The following INPPL1 variants were observed in gnomAD, a reference collection of about 807,000 sequenced individuals.
INPPL1 encodes the protein inositol polyphosphate phosphatase like 1, also known as phosphatidylinositol 3,4,5-trisphosphate 5-phosphatase 2.
INPPL1 carries 91 observed loss-of-function variants against 139.3 expected under a neutral mutation model. That is an observed-to-expected ratio of 0.65 (90% CI 0.55 to 0.78). The LOEUF is 0.78. Among genes scored for constraint, INPPL1 ranks in the 30% least tolerant of loss-of-function variants. The pLI is 0.00. For synonymous variants in INPPL1, 719 were observed against 686.6 expected (o/e 1.05, Z -0.74); for missense variants, 1,411 against 1,665.6 (o/e 0.85, Z 2.66).
Position 72,225,014 on chromosome 11 carries a change from G to A in INPPL1, c.30G>A (p.Pro10=). 8.2e-7 allele frequency: 1 copy of A among 1,212,366 alleles called. No individual in the cohort carries two copies. The highest frequency in any genetic ancestry group is 1.0e-6 in the Non-Finnish European group (1 of 975,844). The allele number at this position is 1,212,366 out of a possible 1,614,324, so 75.1% of individuals were successfully genotyped here. MASACGAPG[P]GGALGSQAPS... ...CCTCGGCCTGCGGGGCGCCGGGCCC[G>A]GGGGGCGCCCTGGGCAGCCAGGCCC... Residue 10 remains proline, a synonymous_variant, in exon 1 of 28, where the codon CCG becomes CCA. Transcript: ENST00000298229.
intron 18 of INPPL1, 53 bp from the exon 19 acceptor site, chr11:72,233,602 G>T (rs1948897225): frequency 4.4e-6 from 7 of 1,605,800 alleles, no homozygotes; most frequent in Middle Eastern, 3.3e-4. Context: ...GGAGGTGGGA[G>T]CCGAGGGTGG....
intron 1 of INPPL1, chr11:72,227,939 T>C (rs895413288): frequency 3.8e-6 from 2 of 532,292 alleles, no homozygotes; most frequent in Non-Finnish European, 6.8e-6. Context: ...CCCTGCCCTG[T>C]GGTGGGTGTG....
In INPPL1 at chr11:72,228,994, C is replaced by G. The variant is rs1948753920; in HGVS notation, c.519-96C>G. 6.5e-7 allele frequency: 1 copy of G among 1,528,946 alleles called. No homozygotes were observed. The highest frequency in any genetic ancestry group is 1.4e-5 in the African/African-American group (1 of 72,792). 94.7% of individuals were successfully genotyped at this position (1,528,946 alleles called of 1,614,324 possible). A position where few individuals can be genotyped will look rare whatever the true frequency, so the allele number is the denominator to read the frequency against. ...AGGCAGATAACCTGATCCATCCCGC[C>G]CTGGTTGCCACAGGTACTATCTCCT... On this transcript the variant is annotated intron_variant, in intron 4 of 27. Coordinates refer to ENST00000298229, the MANE Select transcript of INPPL1 (RefSeq NM_001567.4). The surrounding 1 kb of genome is among the most constrained non-coding windows in gnomAD (Gnocchi z 5.0).
At chr11:72,225,582 G>A in intron 1 of INPPL1, 13 of 960,686 alleles carry the variant, frequency 1.4e-5, no homozygotes, top group Non-Finnish European at 1.6e-5. Flanking sequence ...CTGACGGGGT[G>A]TGTGGGGATG....
chr11:72,232,279 G>C lies in INPPL1; in HGVS notation c.1655G>C (p.Gly552Ala). The C allele has an allele frequency of 6.4e-7, 1 of 1,557,386 alleles. No homozygotes were observed. Among genetic ancestry groups the C allele is most frequent in the Non-Finnish European group, 8.7e-7 (1 of 1,149,764 alleles). Reference sequence around the variant, plus strand: ...GTGGGCGTCTCCTTCATGTTTAATGGCACCTCATTTGGCTTTGTGAATTGT... The same window carrying C: ...GTGGGCGTCTCCTTCATGTTTAATGCCACCTCATTTGGCTTTGTGAATTGT... ...GAVGVSFMFN[G>A]TSFGFVNCHL... The change falls in exon 14 of 28, where the codon GGC becomes GCC. Residue 552 changes from glycine to alanine, a missense_variant. Transcript: ENST00000298229.
chr11:72,237,811 G>A lies in INPPL1; in HGVS notation c.3552+15G>A, dbSNP rs1211850752. The A allele has an allele frequency of 6.3e-7, 1 of 1,581,968 alleles. No homozygotes were observed. Among genetic ancestry groups the A allele is most frequent in the Admixed American group, 1.8e-5 (1 of 55,492 alleles). On this transcript the variant is annotated intron_variant, in intron 26 of 27. Coordinates refer to ENST00000298229, the MANE Select transcript of INPPL1 (RefSeq NM_001567.4). ...TGGCAGAGGAGGTGTGTGGAGCAGG[G>A]TGGCTGTCTGTGTGTGCCTGAGTGT...
In INPPL1 at chr11:72,234,490, G is replaced by A. The variant is rs768512696; in HGVS notation, c.2327-37G>A. ...ACTTAGGGGGAAAGGAAGCTGAGAG[G>A]TGGTGCTCAGTTGGGTGTCTCCCAC... On this transcript the variant is annotated intron_variant, in intron 20 of 27. Transcript: ENST00000298229. This position sits in a 1 kb window ranked among gnomAD's most constrained non-coding sequence, Gnocchi z 4.2. The A allele has an allele frequency of 6.3e-6, 10 of 1,593,772 alleles. No homozygotes were observed. The African/African-American group carries it at 8.1e-5, about 13-fold the overall frequency.
rs1006705259 is a variant in INPPL1 at position 72,225,370 on chromosome 11, G to A, written c.182+204G>A. The A allele has an allele frequency of 3.0e-6, 3 of 985,352 alleles. No individual in the cohort carries two copies. The African/African-American group carries it at 5.2e-5, about 17-fold the overall frequency. The allele number at this position is 985,352 out of a possible 1,614,324, so 61.0% of individuals were successfully genotyped here. ...TGCTGTGTGTCTGGGGGCACTTTCAGGAGCCTTGAGGGTAGAGAATATGGG... is the reference window on the plus strand; with the variant it reads ...TGCTGTGTGTCTGGGGGCACTTTCAAGAGCCTTGAGGGTAGAGAATATGGG... On this transcript the variant is annotated intron_variant, in intron 1 of 27. Transcript: ENST00000298229.
rs1948753181 is a variant in INPPL1, at chr11:72,228,963, G to A, written c.518+116G>A. The A allele has an allele frequency of 1.3e-6, 2 of 1,521,676 alleles. No individual in the cohort carries two copies. Among genetic ancestry groups the A allele is most frequent in the Admixed American group, 4.2e-5 (2 of 47,300 alleles). The allele number at this position is 1,521,676 out of a possible 1,614,324, so 94.3% of individuals were successfully genotyped here. A position where few individuals can be genotyped will look rare whatever the true frequency, so the allele number is the denominator to read the frequency against. On this transcript the variant is annotated intron_variant, in intron 4 of 27. Coordinates refer to ENST00000298229, the MANE Select transcript of INPPL1 (RefSeq NM_001567.4). This position sits in a 1 kb window ranked among gnomAD's most constrained non-coding sequence, Gnocchi z 5.0. Reference sequence around the variant, plus strand: ...CACCAGGGACCCCCACCCCACCTCAGCCCAGAGGCAGATAACCTGATCCAT... The same window carrying A: ...CACCAGGGACCCCCACCCCACCTCAACCCAGAGGCAGATAACCTGATCCAT...
chr11:72,233,190 T>C (rs1277251120), intron 17 of INPPL1, 27 bp downstream of exon 17: 1 of 1,596,938 alleles, frequency 6.3e-7, no homozygotes, highest in African/African-American at 1.3e-5. Context: ...GCATGGGCCT[T>C]GGGGGACCGC....
rs562007112 is a variant in INPPL1, at chr11:72,225,155, G to A, written c.171G>A (p.Ala57=). The change falls in exon 1 of 28, where the codon GCG becomes GCA. Residue 57 remains alanine, a synonymous_variant. Transcript: ENST00000298229. The part of the protein sequence containing the change: ...RDSESVAGAF[A]LCVLYQKHVH... ...GCGAGAGCGTGGCGGGGGCCTTCGC[G>A]CTCTGCGTCCTGTGAGTGGGGCGGG... 4 of 1,230,728 alleles carry A rather than the reference G, an allele frequency of 3.3e-6. No individual in the cohort carries two copies. The highest frequency in any genetic ancestry group is 3.1e-5 in the African/African-American group (2 of 64,470). The allele number at this position is 1,230,728 out of a possible 1,614,324, so 76.2% of individuals were successfully genotyped here. A position where few individuals can be genotyped will look rare whatever the true frequency, so the allele number is the denominator to read the frequency against.
chr11:72,238,190 G>A lies in INPPL1; in HGVS notation c.3686+15G>A, dbSNP rs775769039. On this transcript the variant is annotated intron_variant, in intron 27 of 27. Transcript: ENST00000298229. The stretch of plus-strand genomic sequence containing the variant: ...GAGTTTCTCAGGTGGGGGAGGGGCT[G>A]GCCCCGGGGGCGGAGCTGGGGCCCT... 2.2e-5 allele frequency: 36 copies of A among 1,610,378 alleles called. 1 individual carries two copies. The South Asian group carries it at 4.0e-4, about 18-fold the overall frequency.
In INPPL1 at chr11:72,228,549, C is replaced by G; in HGVS notation, c.397+51C>G. ...CCCTGCCCCTGTCCCTTGGCTCTAC[C>G]TGCCTCTTCCCATCCCCCCTTCTCA... On this transcript the variant is annotated intron_variant, in intron 3 of 27. Coordinates refer to ENST00000298229, the MANE Select transcript of INPPL1 (RefSeq NM_001567.4). This position sits in a 1 kb window ranked among gnomAD's most constrained non-coding sequence, Gnocchi z 5.0. 6.3e-7 allele frequency: 1 copy of G among 1,589,154 alleles called. No homozygotes were observed.
At chr11:72,223,853 G>T (rs1948588382), upstream of INPPL1, 1 of 150,306 alleles carries the variant, frequency 6.7e-6, no homozygotes, top group African/African-American at 2.4e-5. Flanking sequence ...GGCGCGGGGC[G>T]GGGCGGGCGG....
At chr11:72,236,073 G>A (rs1948983156) in intron 25 of INPPL1, 87 bp downstream of exon 25, 4 of 761,698 alleles carry the variant, frequency 5.3e-6, no homozygotes, top group Non-Finnish European at 8.5e-6. Flanking sequence ...GGTTGGCCTG[G>A]AGATCATCAG....
chr11:72,233,855 C>T (rs1276377010), intron 19 of INPPL1, 111 bp downstream of exon 19: 4 of 832,030 alleles, frequency 4.8e-6, no homozygotes, highest in Non-Finnish European at 8.1e-6. Flanking sequence ...GGTGTGTGTA[C>T]CAGTGAGTGC....
chr11:72,235,226 G>T lies in INPPL1; in HGVS notation c.2503+23G>T. 1 of 1,613,940 alleles carries T rather than the reference G, an allele frequency of 6.2e-7. No homozygotes were observed. Among genetic ancestry groups the T allele is most frequent in the Non-Finnish European group, 8.5e-7 (1 of 1,179,924 alleles). ...ATGGTGAGGGGTGAGGGGTGCTGAG[G>T]GGAACAGGAAGCCAGACAGGGCCCT... is the stretch of plus-strand genomic sequence containing the variant. On this transcript the variant is annotated intron_variant, in intron 22 of 27. Transcript: ENST00000298229. This position sits in a 1 kb window ranked among gnomAD's most constrained non-coding sequence, Gnocchi z 4.9.
In INPPL1 at chr11:72,228,358, G is replaced by A. The variant is rs1248685249; in HGVS notation, c.257G>A (p.Gly86Asp). Residue 86 changes from glycine (G) to aspartate (D), a missense_variant, in exon 3 of 28, where the codon GGT becomes GAT. Coordinates refer to ENST00000298229, the MANE Select transcript of INPPL1 (RefSeq NM_001567.4). The surrounding 1 kb of genome is among the most constrained non-coding windows in gnomAD (Gnocchi z 5.0). ...EDFLAVQTSQ[G>D]VPVRRFQTLG... is the part of the protein sequence containing the mutation. The stretch of plus-strand genomic sequence containing the variant: ...CTTGCTGGCCCACAGACCTCGCAGG[G>A]TGTGCCTGTGCGCCGCTTCCAGACC... The A allele has an allele frequency of 1.2e-6, 2 of 1,613,578 alleles. No individual in the cohort carries two copies. Among genetic ancestry groups the A allele is most frequent in the Non-Finnish European group, 1.7e-6 (2 of 1,179,972 alleles).
intron 6 of INPPL1, 34 bp downstream of exon 6, chr11:72,229,592 C>A: frequency 1.9e-6 from 3 of 1,612,194 alleles, no homozygotes; most frequent in South Asian, 1.1e-5. Context: ...GAGGTGCGTT[C>A]GTGTTCTGGA....
Sources: gnomAD v4.1 joint callset for allele counts on GRCh38, gnomAD v4.1.1 for gene constraint, Gnocchi (gnomAD v3.1) non-coding constraint, MANE v1.5 for transcripts, NCBI Gene and HGNC (gene_info 2026-07-23, HGNC 2026-07-21) for gene names.